CMSS1: variants seen among roughly 807,000 people sequenced by gnomAD.
CMSS1 encodes the protein protein CMSS1.
CMSS1 carries 33 observed loss-of-function variants against 43.5 expected under a neutral mutation model. The ratio of observed to expected loss-of-function variants is 0.76; its 90% CI spans 0.57 to 1.01. CMSS1 has a LOEUF of 1.01. Among genes scored for constraint, CMSS1 ranks in the 50% least tolerant of loss-of-function variants. CMSS1 has a pLI of 0.00. For missense variants in CMSS1, 313 were observed against 326.4 expected (o/e 0.96, Z 0.32); for synonymous variants, 115 against 117.2 (o/e 0.98, Z 0.12).
intron 1 of CMSS1, among the ~76,000 whole-genome samples, chr3:99,949,382 T>C (rs537516272): frequency 2.6e-5 from 4 of 152,252 alleles, no homozygotes; most frequent in African/African-American, 9.6e-5. Flanking sequence ...TATTTAAATA[T>C]ACTTAGGATT....
intron 1 of CMSS1, among the ~76,000 whole-genome samples, chr3:99,923,363 C>A: frequency 6.6e-6 from 1 of 152,152 alleles, no homozygotes; most frequent in East Asian, 1.9e-4. Context: ...TAAACCAGGA[C>A]TCATCTCCTA....
At chr3:99,996,000 C>G (rs919012703) in intron 1 of CMSS1, among the ~76,000 whole-genome samples, 1 of 152,168 alleles carries the variant, frequency 6.6e-6, no homozygotes, top group Non-Finnish European at 1.5e-5. Context: ...CATTCGGCTC[C>G]TTGTTACTTA....
At chr3:99,858,648 C>G (rs144727490) in intron 1 of CMSS1, among the ~76,000 whole-genome samples, 24 of 152,306 alleles carry the variant, frequency 1.6e-4, no homozygotes, top group Non-Finnish European at 2.9e-4. Flanking sequence ...ATCCTCAGAT[C>G]TGTTTCACAC....
rs561723544 is a variant in CMSS1, at chr3:100,157,251, CTG to C, written c.154-3177_154-3176del. The stretch of plus-strand genomic sequence containing the variant: ...ATTTCTTATTTGTTTTAATGCTTAA[CTG>C]TTTTTCCCATTTTTACAGCATCTTG... On this transcript the variant is annotated intron_variant, in intron 2 of 9. Transcript: ENST00000421999. Among the ~76,000 whole-genome samples the C allele has an allele frequency of 3.0e-3, 452 of 152,126 alleles. 2 individuals are homozygous for C. Among genetic ancestry groups the C allele is most frequent in the Non-Finnish European group, 5.5e-3 (372 of 67,990 alleles).
At chr3:99,986,648 A>G (rs1465061306) in intron 1 of CMSS1, among the ~76,000 whole-genome samples, 1 of 152,104 alleles carries the variant, frequency 6.6e-6, no homozygotes. Context: ...ATGAAGATTA[A>G]ATGAAGTGGT....
intron 1 of CMSS1, among the ~76,000 whole-genome samples, chr3:99,872,320 T>TGTGTGTGTGA (rs1431686347): frequency 1.4e-5 from 2 of 143,158 alleles, no homozygotes; most frequent in South Asian, 2.2e-4. Flanking sequence ...TGTGTGTGTG[T>TGTGTGTGTGA]GTGACTGTGG....
At chr3:99,993,024 T>C (rs899463068) in intron 1 of CMSS1, among the ~76,000 whole-genome samples, 12 of 152,128 alleles carry the variant, frequency 7.9e-5, no homozygotes, top group African/African-American at 2.4e-4. Context: ...TTGATCTGTG[T>C]AACTGTTGTT....
chr3:100,014,233 A>G (rs772374845), intron 1 of CMSS1, among the ~76,000 whole-genome samples: 4 of 151,492 alleles, frequency 2.6e-5, no homozygotes, highest in Non-Finnish European at 4.4e-5. Flanking sequence ...TTCTTTATCC[A>G]TTCATCTGTC....
intron 2 of CMSS1, among the ~76,000 whole-genome samples, chr3:100,159,442 A>C (rs2067004111): frequency 6.6e-6 from 1 of 152,234 alleles, no homozygotes; most frequent in East Asian, 1.9e-4. Context: ...GCTTTCATAG[A>C]AAGATTCATC....
At chr3:100,045,954 G>T (rs1284086034) in intron 1 of CMSS1, among the ~76,000 whole-genome samples, 2 of 152,124 alleles carry the variant, frequency 1.3e-5, no homozygotes, top group African/African-American at 2.4e-5. Flanking sequence ...GTGGATGAGA[G>T]AAGGGAAGGG....
rs781599500 is a variant in CMSS1 at position 99,930,724 on chromosome 3, G to A, written c.64+112681G>A. 14 of 1,599,408 alleles carry A rather than the reference G, an allele frequency of 8.8e-6. No homozygotes were observed. In the East Asian group the frequency reaches 2.9e-4, roughly 33 times the overall value. ...AGCAGGAACACCAAATTCACAAGCAGCCTTCTGTTTGAAGCATGATGGGGA... is the reference window on the plus strand; with the variant it reads ...AGCAGGAACACCAAATTCACAAGCAACCTTCTGTTTGAAGCATGATGGGGA... On this transcript the variant is annotated intron_variant, in intron 1 of 9. Coordinates refer to ENST00000421999, the MANE Select transcript of CMSS1 (RefSeq NM_032359.4).
chr3:99,939,665 C>A (rs1488403557), intron 1 of CMSS1, among the ~76,000 whole-genome samples: 4 of 152,080 alleles, frequency 2.6e-5, no homozygotes, highest in African/African-American at 7.2e-5. Flanking sequence ...AGTATGGATC[C>A]AAAAATTTGA....
At chr3:99,942,805 G>A (rs1355643289) in intron 1 of CMSS1, among the ~76,000 whole-genome samples, 5 of 151,918 alleles carry the variant, frequency 3.3e-5, no homozygotes, top group African/African-American at 7.3e-5. Flanking sequence ...CTCTAGCCTC[G>A]GCGACAGAGT....
rs1014465834 is a variant in CMSS1 at position 99,845,304 on chromosome 3, G to A, written c.64+27261G>A. ...TAGAAAAAACATGATAAAATCATTC[G>A]AATCTGTGATAGGATTCTACCTTTT... On this transcript the variant is annotated intron_variant, in intron 1 of 9. Transcript: ENST00000421999. Among the ~76,000 whole-genome samples, 8 of 152,106 alleles carry A rather than the reference G, an allele frequency of 5.3e-5. No homozygotes were observed. The East Asian group carries it at 1.2e-3, about 22-fold the overall frequency.
chr3:100,026,078 T>C (rs1457128713), intron 1 of CMSS1, among the ~76,000 whole-genome samples: 1 of 152,088 alleles, frequency 6.6e-6, no homozygotes, highest in Non-Finnish European at 1.5e-5. Flanking sequence ...AAAGAGGAGT[T>C]TTTTTCAAGA....
At chr3:99,984,048 A>ATGTGTGTGTGTG (rs367846393) in intron 1 of CMSS1, among the ~76,000 whole-genome samples, 10 of 147,684 alleles carry the variant, frequency 6.8e-5, no homozygotes, top group East Asian at 4.0e-4. Context: ...AAGGATGTAT[A>ATGTGTGTGTGTG]TGTATGTGTG....
intron 1 of CMSS1, among the ~76,000 whole-genome samples, chr3:100,063,949 C>T (rs1488885777): frequency 2.0e-5 from 3 of 152,196 alleles, no homozygotes; most frequent in South Asian, 4.1e-4. Context: ...GAGTACATAC[C>T]GTCAGCCAAA....
At chr3:100,166,483 A>G (rs2067067075) in intron 5 of CMSS1, 89 bp downstream of exon 5, 2 of 827,850 alleles carry the variant, frequency 2.4e-6, no homozygotes, top group East Asian at 2.5e-5. Context: ...TTTTTGTTTT[A>G]TAACACATTA....
intron 1 of CMSS1, among the ~76,000 whole-genome samples, chr3:99,923,489 C>T (rs1299816009): frequency 6.6e-6 from 1 of 152,132 alleles, no homozygotes; most frequent in Non-Finnish European, 1.5e-5. Context: ...CTCAGTAACT[C>T]CTTGTTTTCC....
Sources: allele counts gnomAD v4.1 joint callset (sites outside exome capture counted in the v4.1 genomes callset), GRCh38; gene constraint gnomAD v4.1.1; transcripts MANE v1.5; gene names NCBI Gene and HGNC (gene_info 2026-07-23, HGNC 2026-07-21).